RDH12: variants seen among roughly 807,000 people sequenced by gnomAD.
The protein encoded by RDH12 is all-trans and 9-cis retinol dehydrogenase.
RDH12 carries 21 observed loss-of-function variants against 34.0 expected under a neutral mutation model. That is an observed-to-expected ratio of 0.62 (90% CI 0.44 to 0.89). The LOEUF is 0.89. Ranked by LOEUF, RDH12 falls within the 40% of genes least tolerant of loss-of-function variation. RDH12 has a pLI of 0.00. For synonymous variants in RDH12, 198 were observed against 169.9 expected (o/e 1.17, Z -1.29); for missense variants, 394 against 398.6 (o/e 0.99, Z 0.10).
intron 8 of RDH12, among the ~76,000 whole-genome samples, chr14:67,730,665 T>A (rs7144587): frequency 0.96 from 146,069 of 152,282 alleles, 70,288 homozygotes; most frequent in East Asian, 1. Context: ...GGGCAATGGC[T>A]TGATCTTGGC....
At chr14:67,726,845 ATTAGAG>A in intron 6 of RDH12, 130 bp from the exon 7 acceptor site, 1 of 747,370 alleles carries the variant, frequency 1.3e-6, no homozygotes, top group Non-Finnish European at 2.3e-6. Flanking sequence ...CAAACTGACC[ATTAGAG>A]TTACTCATGG....
intron 1 of RDH12, among the ~76,000 whole-genome samples, chr14:67,709,981 G>A (rs2037992481): frequency 6.6e-6 from 1 of 152,176 alleles, no homozygotes; most frequent in African/African-American, 2.4e-5. Context: ...CTTTGGAAAG[G>A]CTAATCAGAA....
intron 3 of RDH12, among the ~76,000 whole-genome samples, 166 bp downstream of exon 3, chr14:67,722,876 A>G (rs1300016444): frequency 6.6e-6 from 1 of 152,236 alleles, no homozygotes; most frequent in African/African-American, 2.4e-5. Flanking sequence ...GTGGAAAACC[A>G]GAAGGAAGCA....
In RDH12 at chr14:67,727,198, T is replaced by A. The variant is rs1393037708; in HGVS notation, c.658+8T>A. The A allele has an allele frequency of 6.2e-7, 1 of 1,607,580 alleles. No homozygotes were observed. Among genetic ancestry groups the A allele is most frequent in the Non-Finnish European group, 8.5e-7 (1 of 1,177,144 alleles). ...TGGCCAAGAGGCTCCAAGGTAAGTC[T>A]GGAGAAAGAGGAATAGCAAAAATGG... On this transcript the variant is annotated splice_region_variant and intron_variant, in intron 7 of 8. Coordinates refer to ENST00000551171, the MANE Select transcript of RDH12 (RefSeq NM_152443.3).
intron 1 of RDH12, among the ~76,000 whole-genome samples, chr14:67,716,767 C>A (rs1196337856): frequency 3.3e-5 from 5 of 151,902 alleles, no homozygotes; most frequent in Admixed American, 3.3e-4. Context: ...ACCTGTGGGT[C>A]CAGCTATTCA....
chr14:67,725,360 C>A, intron 5 of RDH12, 106 bp downstream of exon 5: 1 of 1,184,246 alleles, frequency 8.4e-7, no homozygotes, highest in Non-Finnish European at 1.2e-6. Flanking sequence ...ATCCACCCCA[C>A]TAGACAGGTT....
chr14:67,722,615 AG>A lies in RDH12; in HGVS notation c.-27del. 1 of 1,604,990 alleles carries A rather than the reference AG, an allele frequency of 6.2e-7. No homozygotes were observed. The highest frequency in any genetic ancestry group is 8.5e-7 in the Non-Finnish European group (1 of 1,171,622). On this transcript the variant is annotated 5_prime_UTR_variant, in exon 3 of 9. Coordinates refer to ENST00000551171, the MANE Select transcript of RDH12 (RefSeq NM_152443.3). Reference sequence around the variant, plus strand: ...GGGTTGAAGCTGGAGCAGCAGCAAAAGCAACAGCAGCTACAGAAGTTGGAAC... The same window carrying A: ...GGGTTGAAGCTGGAGCAGCAGCAAAACAACAGCAGCTACAGAAGTTGGAAC...
At chr14:67,725,300 G>C (rs1415200301) in intron 5 of RDH12, 46 bp downstream of exon 5, 3 of 1,600,496 alleles carry the variant, frequency 1.9e-6, no homozygotes, top group South Asian at 2.2e-5. Context: ...TTGGGTATGG[G>C]AGTGGCTGCT....
At chr14:67,728,926 C>T (rs1423173158) in intron 7 of RDH12, among the ~76,000 whole-genome samples, 1 of 152,144 alleles carries the variant, frequency 6.6e-6, no homozygotes, top group African/African-American at 2.4e-5. Context: ...GTACTAAAGC[C>T]ACAGTATAAA....
intron 5 of RDH12, 141 bp from the exon 6 acceptor site, chr14:67,725,910 G>A: frequency 1.4e-6 from 1 of 730,572 alleles, no homozygotes; most frequent in South Asian, 1.5e-5. Flanking sequence ...AAAGGAAGGG[G>A]CAGAGCAAGT....
intron 6 of RDH12, 127 bp downstream of exon 6, chr14:67,726,282 C>T: frequency 1.4e-6 from 1 of 727,500 alleles, no homozygotes; most frequent in Non-Finnish European, 2.5e-6. Context: ...ATAGACTAGA[C>T]CCATTGGCTT....
intron 6 of RDH12, 46 bp from the exon 7 acceptor site, chr14:67,726,935 G>A (rs2038192349): frequency 6.4e-7 from 1 of 1,562,434 alleles, no homozygotes; most frequent in Non-Finnish European, 8.8e-7. Context: ...TGCTGAGCCT[G>A]GGCTGTCATT....
intron 1 of RDH12, among the ~76,000 whole-genome samples, chr14:67,716,663 G>A (rs915281807): frequency 1.3e-5 from 2 of 152,066 alleles, no homozygotes; most frequent in Admixed American, 6.5e-5. Flanking sequence ...GCCAGCATAC[G>A]ACTTGAGGCC....
chr14:67,728,174 T>A (rs770100897), intron 7 of RDH12: 11 of 152,158 alleles, frequency 7.2e-5, no homozygotes, highest in Non-Finnish European at 1.6e-4. Context: ...TTTGTTACAG[T>A]GAATAAGCCA....
intron 1 of RDH12, among the ~76,000 whole-genome samples, chr14:67,703,401 C>T (rs1449551824): frequency 1.3e-5 from 2 of 152,170 alleles, no homozygotes; most frequent in Non-Finnish European, 1.5e-5. Flanking sequence ...TTAGCTTGAA[C>T]TGGCTGAATC....
In RDH12 at chr14:67,734,115, G is replaced by T; in HGVS notation, c.*267G>T. On this transcript the variant is annotated 3_prime_UTR_variant, in exon 9 of 9. Coordinates refer to ENST00000551171, the MANE Select transcript of RDH12 (RefSeq NM_152443.3). ...CCTCTGGGGGCAGCAGGACTGGGCA[G>T]ATCCCAGGCTGGGCATGGGGGTGGC... is the stretch of plus-strand genomic sequence containing the variant. 2.8e-6 allele frequency: 1 copy of T among 355,954 alleles called. No homozygotes were observed. Among genetic ancestry groups the T allele is most frequent in the Non-Finnish European group, 5.5e-6 (1 of 183,028 alleles). The allele number at this position is 355,954 out of a possible 1,614,324, so 22.0% of individuals were successfully genotyped here.
intron 1 of RDH12, chr14:67,706,084 A>G (rs1321314272): frequency 6.6e-6 from 1 of 152,096 alleles, no homozygotes. Flanking sequence ...GTTCAGCATC[A>G]ATATAGTGAC....
At chr14:67,731,538 A>G in intron 8 of RDH12, among the ~76,000 whole-genome samples, 1 of 151,962 alleles carries the variant, frequency 6.6e-6, no homozygotes, top group Non-Finnish European at 1.5e-5. Flanking sequence ...TCTATTGGAC[A>G]GTTGCTACTC....
At position 67,733,776 on chromosome 14, in the gene RDH12, G is replaced by T. The variant is rs1566852756; in HGVS notation, c.879G>T (p.Arg293Ser). The T allele has an allele frequency of 8.1e-6, 13 of 1,613,474 alleles. No homozygotes were observed. The highest frequency in any genetic ancestry group is 1.1e-5 in the Non-Finnish European group (13 of 1,179,624). Reference sequence around the variant, plus strand: ...GCAAGAGGACCTGGGTGTCTCCAAGGGCCCGAAATAACAAAACAGCTGAGC... The same window carrying T: ...GCAAGAGGACCTGGGTGTCTCCAAGTGCCCGAAATAACAAAACAGCTGAGC... ...SDCKRTWVSP[R>S]ARNNKTAERL... Residue 293 changes from arginine to serine, a missense_variant, in exon 9 of 9, where the codon AGG becomes AGT. Transcript: ENST00000551171.
Sources: allele counts gnomAD v4.1 joint callset (sites outside exome capture counted in the v4.1 genomes callset), GRCh38; gene constraint gnomAD v4.1.1; transcripts MANE v1.5; gene names NCBI Gene and HGNC (gene_info 2026-07-23, HGNC 2026-07-21).